Variants in PAMR1 observed in about 807,000 individuals in gnomAD.
PAMR1 encodes the protein inactive serine protease PAMR1.
A neutral mutation model predicts 81.8 loss-of-function variants in PAMR1; 88 were observed. The ratio of observed to expected loss-of-function variants is 1.08; its 90% CI spans 0.91 to 1.28. The LOEUF (loss-of-function observed/expected upper bound fraction) is 1.28. Ranked by LOEUF, PAMR1 falls within the 50% of genes most tolerant of loss-of-function variation. The probability of loss-of-function intolerance (pLI) is 0.00; values close to 1 mark genes in which losing one functional copy is unlikely to be tolerated. For missense variants in PAMR1, 935 were observed against 919.7 expected (o/e 1.02, Z -0.21); for synonymous variants, 336 against 345.3 (o/e 0.97, Z 0.30).
At chr11:35,514,419 C>T (rs545298931) in intron 1 of PAMR1, among the ~76,000 whole-genome samples, 1 of 152,308 alleles carries the variant, frequency 6.6e-6, no homozygotes, top group East Asian at 1.9e-4. Flanking sequence ...TTTACATTTC[C>T]TAGTCCCTTT....
intron 3 of PAMR1, among the ~76,000 whole-genome samples, chr11:35,481,447 T>C (rs1395226760): frequency 6.6e-6 from 1 of 152,242 alleles, no homozygotes. Context: ...TGCATTTCTC[T>C]AATAATCAGT....
chr11:35,444,656 T>C (rs1407554046), intron 6 of PAMR1, among the ~76,000 whole-genome samples: 1 of 152,176 alleles, frequency 6.6e-6, no homozygotes, highest in East Asian at 1.9e-4. Context: ...TGGTTGTAGA[T>C]GTGTGGTCTT....
At chr11:35,480,409 G>A (rs1301333118) in intron 3 of PAMR1, among the ~76,000 whole-genome samples, 7 of 152,154 alleles carry the variant, frequency 4.6e-5, no homozygotes, top group African/African-American at 1.7e-4. Context: ...GTCTGGCTAG[G>A]GTAGCACAAA....
At chr11:35,505,817 C>T (rs531758320) in intron 1 of PAMR1, among the ~76,000 whole-genome samples, 1 of 152,056 alleles carries the variant, frequency 6.6e-6, no homozygotes, top group East Asian at 1.9e-4. Flanking sequence ...CATTCTATGT[C>T]TTTTAGTTTT....
intron 3 of PAMR1, among the ~76,000 whole-genome samples, chr11:35,475,356 T>G (rs1176608197): frequency 2.0e-5 from 3 of 152,220 alleles, no homozygotes; most frequent in Admixed American, 1.3e-4. Flanking sequence ...ACCCCTTTTG[T>G]TCAAATAAAG....
At chr11:35,433,726 AGATG>A (rs71044517) in intron 10 of PAMR1, among the ~76,000 whole-genome samples, 6,726 of 148,746 alleles carry the variant, frequency 0.045, 145 homozygotes, top group East Asian at 0.099. Flanking sequence ...ATAGATGGAG[AGATG>A]GATGGATGGA....
chr11:35,515,185 A>C (rs1851139929), intron 1 of PAMR1, among the ~76,000 whole-genome samples: 1 of 152,092 alleles, frequency 6.6e-6, no homozygotes, highest in Non-Finnish European at 1.5e-5. Context: ...CACACTTTAA[A>C]ATCTTCTTTC....
At chr11:35,498,160 T>A (rs892433475) in intron 1 of PAMR1, among the ~76,000 whole-genome samples, 4 of 152,240 alleles carry the variant, frequency 2.6e-5, no homozygotes, top group African/African-American at 9.6e-5. Context: ...AGCCCATTAT[T>A]CAAATTATTC....
At chr11:35,489,549 T>A (rs1002234507) in intron 3 of PAMR1, among the ~76,000 whole-genome samples, 13 of 152,178 alleles carry the variant, frequency 8.5e-5, no homozygotes, top group Admixed American at 1.3e-4. Context: ...ACTCCCCAGA[T>A]TAAACCATCC....
chr11:35,467,030 C>T (rs1463634116), intron 6 of PAMR1, among the ~76,000 whole-genome samples: 1 of 152,146 alleles, frequency 6.6e-6, no homozygotes, highest in Non-Finnish European at 1.5e-5. Flanking sequence ...CATAGAAAGC[C>T]ATATGTGCCC....
intron 1 of PAMR1, among the ~76,000 whole-genome samples, chr11:35,524,404 G>C (rs373013687): frequency 6.6e-6 from 1 of 152,254 alleles, no homozygotes; most frequent in African/African-American, 2.4e-5. Flanking sequence ...GATCATGAAG[G>C]GATGTGCCTA....
Position 35,465,788 on chromosome 11 carries a change from T to C in PAMR1, c.820+2213A>G, listed in dbSNP as rs186787346. On this transcript the variant is annotated intron_variant, in intron 6 of 10. Transcript: ENST00000619888. ...AACAATATTTTGAAAACCAGCAAGG[T>C]AGAATTTTCCTGCCCATCTATGCTG... 1.1e-4 allele frequency among the ~76,000 whole-genome samples: 16 copies of C among 152,338 alleles called. No individual in the cohort carries two copies. The East Asian group carries it at 1.5e-3, about 15-fold the overall frequency.
At chr11:35,461,489 T>A (rs1232942494) in intron 6 of PAMR1, among the ~76,000 whole-genome samples, 1 of 152,092 alleles carries the variant, frequency 6.6e-6, no homozygotes, top group Non-Finnish European at 1.5e-5. Flanking sequence ...GACATAGCAA[T>A]GTTTTGGTCA....
chr11:35,495,075 C>T (rs1433601866), intron 1 of PAMR1, among the ~76,000 whole-genome samples: 1 of 152,218 alleles, frequency 6.6e-6, no homozygotes, highest in African/African-American at 2.4e-5. Flanking sequence ...ATGTGGCCAT[C>T]AGAAAATTTG....
chr11:35,499,297 C>G (rs1250794437), intron 1 of PAMR1, among the ~76,000 whole-genome samples: 2 of 152,112 alleles, frequency 1.3e-5, no homozygotes, highest in Admixed American at 1.3e-4. Context: ...CAGCCCCCAC[C>G]CTGTACAGAT....
In PAMR1 at chr11:35,493,282, G is replaced by T. The variant is rs1162196524; in HGVS notation, c.250+814C>A. On this transcript the variant is annotated intron_variant, in intron 2 of 10. Transcript: ENST00000619888. The stretch of plus-strand genomic sequence containing the variant: ...ATCTGCTTTCCCTTCTTTACTAAAA[G>T]ATTTCCAATGTTATCAAAATATCTT... Among the ~76,000 whole-genome samples the T allele has an allele frequency of 2.0e-5, 3 of 152,246 alleles. No individual in the cohort carries two copies. In the East Asian group the frequency reaches 5.8e-4, roughly 29 times the overall value.
At chr11:35,525,026 A>G (rs1851359079) in intron 1 of PAMR1, among the ~76,000 whole-genome samples, 2 of 152,146 alleles carry the variant, frequency 1.3e-5, no homozygotes, top group Non-Finnish European at 2.9e-5. Context: ...GTATGGCTGT[A>G]GGAGTTCGTG....
chr11:35,447,423 T>C (rs998037659), intron 6 of PAMR1, among the ~76,000 whole-genome samples: 2 of 152,104 alleles, frequency 1.3e-5, no homozygotes, highest in African/African-American at 2.4e-5. Context: ...CCAGGATGGC[T>C]CGATCTCCTG....
intron 1 of PAMR1, among the ~76,000 whole-genome samples, chr11:35,505,115 G>C (rs1850926806): frequency 2.6e-5 from 4 of 151,948 alleles, no homozygotes; most frequent in Admixed American, 2.6e-4. Flanking sequence ...TGACCCATTT[G>C]TCATTCATAG....
Sources: gnomAD v4.1 joint callset for allele counts (sites outside exome capture counted in the v4.1 genomes callset) on GRCh38, gnomAD v4.1.1 for gene constraint, MANE v1.5 for transcripts, NCBI Gene and HGNC (gene_info 2026-07-23, HGNC 2026-07-21) for gene names.